Variants in STARD9 observed in about 807,000 individuals in gnomAD.
STARD9 encodes the protein stAR-related lipid transfer protein 9.
STARD9 carries 346 observed loss-of-function variants against 399.8 expected under a neutral mutation model. The ratio of observed to expected loss-of-function variants is 0.87; its 90% CI spans 0.79 to 0.95. The LOEUF (loss-of-function observed/expected upper bound fraction) is 0.95, where lower values mean the gene tolerates loss of function less well. STARD9 is among the 40% of genes least tolerant of loss of function. The probability of loss-of-function intolerance (pLI) is 0.00; values close to 1 mark genes in which losing one functional copy is unlikely to be tolerated. For missense variants in STARD9, 5,832 were observed against 5,667.5 expected, an observed-to-expected ratio of 1.03 and a Z score of -0.93; for synonymous variants, 2,203 against 2,143.5, an observed-to-expected ratio of 1.03 and a Z score of -0.77.
intron 3 of STARD9, among the ~76,000 whole-genome samples, chr15:42,596,615 C>T (rs755428196): frequency 3.3e-5 from 5 of 152,188 alleles, no homozygotes; most frequent in Admixed American, 6.5e-5. Flanking sequence ...CAAGTACCCT[C>T]TTAACCCCAT....
intron 3 of STARD9, among the ~76,000 whole-genome samples, chr15:42,624,409 A>C (rs2059155324): frequency 6.6e-6 from 1 of 151,906 alleles, no homozygotes; most frequent in Non-Finnish European, 1.5e-5. Context: ...TATTTACATC[A>C]GAATTTAAGA....
intron 8 of STARD9, 110 bp downstream of exon 8, chr15:42,651,195 G>C (rs1324784839): frequency 2.8e-6 from 2 of 712,242 alleles, no homozygotes; most frequent in East Asian, 3.0e-5. Flanking sequence ...TCTGTGTGTA[G>C]AGATGTTCAC....
At chr15:42,673,269 G>A (rs1239645528) in intron 16 of STARD9, among the ~76,000 whole-genome samples, 1 of 152,062 alleles carries the variant, frequency 6.6e-6, no homozygotes, top group Non-Finnish European at 1.5e-5. Context: ...GGGCGTGGTG[G>A]CAGGCACCTG....
At chr15:42,606,979 ACT>A in intron 3 of STARD9, among the ~76,000 whole-genome samples, 1 of 151,442 alleles carries the variant, frequency 6.6e-6, no homozygotes, top group East Asian at 2.0e-4. Context: ...ACAAGGTCTC[ACT>A]CTGTCTCCCA....
Position 42,689,533 on chromosome 15 carries a change from A to C in STARD9, c.7955A>C (p.Asn2652Thr). The C allele has an allele frequency of 6.5e-7, 1 of 1,537,238 alleles. No individual in the cohort carries two copies. Among genetic ancestry groups the C allele is most frequent in the Non-Finnish European group, 8.7e-7 (1 of 1,146,916 alleles). Residue 2652 changes from asparagine (N) to threonine (T), a missense_variant, in exon 23 of 33, where the codon AAT (asparagine) becomes ACT (threonine). Around this residue, in one of 2 missense-constraint regions of STARD9, gnomAD observed 5,828 missense variants for 5,651.1 expected, o/e 1.03. Coordinates refer to ENST00000290607, the MANE Select transcript of STARD9 (RefSeq NM_020759.3). ...GCAGACAGCTTTGAATCTCTGCCCA[A>C]TACGGAAACTGACAGAGAGCCATGG... is the stretch of plus-strand genomic sequence containing the variant. ...LSADSFESLP[N>T]TETDREPWDP...
intron 26 of STARD9, among the ~76,000 whole-genome samples, chr15:42,705,486 T>C (rs536786846): frequency 2.7e-5 from 4 of 150,828 alleles, no homozygotes. Flanking sequence ...CAGACTGGAG[T>C]GCTGTGGCGC....
In STARD9 at chr15:42,636,078, C is replaced by CT. The variant is rs1319175618; in HGVS notation, c.351+1108dup. Reference sequence around the variant, plus strand: ...TGGGGTGGCTGAGGCAGAAAGATCTCTTAAGCCCAGGAATTTGAGAACAGT... The same window carrying CT: ...TGGGGTGGCTGAGGCAGAAAGATCTCTTTAAGCCCAGGAATTTGAGAACAGT... On this transcript the variant is annotated intron_variant, in intron 4 of 32. Transcript: ENST00000290607. 3.3e-5 allele frequency among the ~76,000 whole-genome samples: 5 copies of CT among 152,244 alleles called. No homozygotes were observed. The East Asian group carries it at 9.6e-4, about 29-fold the overall frequency.
At chr15:42,635,575 C>T (rs1325575086) in intron 4 of STARD9, among the ~76,000 whole-genome samples, 2 of 152,028 alleles carry the variant, frequency 1.3e-5, no homozygotes, top group Non-Finnish European at 2.9e-5. Flanking sequence ...GTGATCTGCC[C>T]GCCTCGGCCT....
At chr15:42,659,589 C>T (rs112736585) in intron 9 of STARD9, among the ~76,000 whole-genome samples, 1 of 152,174 alleles carries the variant, frequency 6.6e-6, no homozygotes, top group Non-Finnish European at 1.5e-5. Context: ...GGCAGTGGCG[C>T]GATCTTGGCT....
intron 1 of STARD9, 69 bp from the exon 2 acceptor site, chr15:42,583,277 A>C: frequency 8.3e-7 from 1 of 1,202,780 alleles, no homozygotes; most frequent in Non-Finnish European, 1.2e-6. Context: ...TCCCACTAGC[A>C]CTGGTTTTAG....
intron 3 of STARD9, among the ~76,000 whole-genome samples, chr15:42,626,363 CTCT>C (rs1279816428): frequency 7.0e-6 from 1 of 142,492 alleles, no homozygotes; most frequent in East Asian, 2.1e-4. Flanking sequence ...CTTCCTCTTC[CTCT>C]TCTTCCTCCT....
intron 23 of STARD9, 38 bp downstream of exon 23, chr15:42,694,380 T>G (rs1354708263): frequency 6.5e-7 from 1 of 1,535,438 alleles, no homozygotes; most frequent in Non-Finnish European, 8.7e-7. Context: ...GGGGAAGGGG[T>G]GGGCTGTGAG....
In STARD9 at chr15:42,685,272, A is replaced by G. The variant is rs1445048353; in HGVS notation, c.3694A>G (p.Thr1232Ala). Residue 1232 changes from threonine to alanine, a missense_variant, in exon 23 of 33, where the codon ACA becomes GCA. Physicochemically the swap from Thr to Ala is moderately conservative, Grantham distance 58. This residue lies in a region of STARD9 where 5,828 missense variants were observed against 5,651.1 expected (regional missense o/e 1.03). Coordinates refer to ENST00000290607, the MANE Select transcript of STARD9 (RefSeq NM_020759.3). ...PFPGSADEIP[T>A]ETFWHLEDSS... is the part of the protein sequence containing the mutation. ...CCCTGGTTCAGCTGACGAGATACCCACAGAGACTTTTTGGCACCTGGAGGA... is the reference window on the plus strand; with the variant it reads ...CCCTGGTTCAGCTGACGAGATACCCGCAGAGACTTTTTGGCACCTGGAGGA... The G allele has an allele frequency of 6.5e-7, 1 of 1,537,592 alleles. No homozygotes were observed. Among genetic ancestry groups the G allele is most frequent in the Non-Finnish European group, 8.7e-7 (1 of 1,146,990 alleles).
At chr15:42,607,507 G>T (rs999328985) in intron 3 of STARD9, among the ~76,000 whole-genome samples, 4 of 151,602 alleles carry the variant, frequency 2.6e-5, no homozygotes, top group South Asian at 2.1e-4. Context: ...CCACCCTCCT[G>T]ATGCCTCTTT....
chr15:42,581,132 C>G (rs879194689), intron 1 of STARD9: 1 of 732,308 alleles, frequency 1.4e-6, no homozygotes. Flanking sequence ...GAGTCAGATG[C>G]CCATCTCCAA....
intron 8 of STARD9, among the ~76,000 whole-genome samples, chr15:42,652,068 A>C (rs1030134011): frequency 6.6e-6 from 1 of 152,196 alleles, no homozygotes; most frequent in African/African-American, 2.4e-5. Context: ...TCTGTGTTTA[A>C]TCAAAACTTA....
rs1438231252 is a variant in STARD9, at chr15:42,703,575, A to G, written c.13284+7695A>G. 1.4e-5 allele frequency among the ~76,000 whole-genome samples: 2 copies of G among 146,472 alleles called. 1 individual carries two copies. The highest frequency in any genetic ancestry group is 3.0e-5 in the Non-Finnish European group (2 of 66,996). Reference sequence around the variant, plus strand: ...TTTTTAGTAGAGACAGGGTTTCACCATGTTGGTCACGCTGGTCTTGAACTC... The same window carrying G: ...TTTTTAGTAGAGACAGGGTTTCACCGTGTTGGTCACGCTGGTCTTGAACTC... On this transcript the variant is annotated intron_variant, in intron 26 of 32. Transcript: ENST00000290607.
chr15:42,595,778 C>A (rs1282030797), intron 3 of STARD9, among the ~76,000 whole-genome samples: 2 of 152,120 alleles, frequency 1.3e-5, no homozygotes, highest in East Asian at 3.8e-4. Flanking sequence ...TAAGAAAAAG[C>A]CTTTTTGTGC....
intron 1 of STARD9, among the ~76,000 whole-genome samples, chr15:42,577,722 C>T (rs1040480272): frequency 7.2e-5 from 11 of 152,290 alleles, no homozygotes; most frequent in African/African-American, 2.4e-4. Context: ...CCAAGAGGTC[C>T]GGATCACTTC....
Sources: gnomAD v4.1 joint callset for allele counts (sites outside exome capture counted in the v4.1 genomes callset) on GRCh38, gnomAD v4.1.1 for gene constraint, gnomAD v4.1.1 regional missense constraint, MANE v1.5 for transcripts, NCBI Gene and HGNC (gene_info 2026-07-23, HGNC 2026-07-21) for gene names.